The following ITGA1 variants were observed in gnomAD, a reference collection of about 807,000 sequenced individuals.
ITGA1 encodes the protein integrin subunit alpha 1, also known as integrin alpha-1.
Under a neutral mutation model 145.9 loss-of-function variants are expected in ITGA1, and 85 were observed. The ratio of observed to expected loss-of-function variants is 0.58; its 90% CI spans 0.49 to 0.70. The LOEUF (loss-of-function observed/expected upper bound fraction) is 0.70. ITGA1 is among the 30% of genes least tolerant of loss of function. The pLI is 0.00. For synonymous variants in ITGA1, 520 were observed against 495.3 expected, an observed-to-expected ratio of 1.05 and a Z score of -0.66; for missense variants, 1,351 against 1,418.7, an observed-to-expected ratio of 0.95 and a Z score of 0.77.
At chr5:52,896,533 A>G (rs369845933) in intron 9 of ITGA1, among the ~76,000 whole-genome samples, 16 of 152,310 alleles carry the variant, frequency 1.1e-4, no homozygotes, top group African/African-American at 3.8e-4. Flanking sequence ...ATCCATGTAA[A>G]TAACTAACAA....
chr5:52,875,008 C>T (rs1749843573), intron 6 of ITGA1, among the ~76,000 whole-genome samples: 1 of 151,994 alleles, frequency 6.6e-6, no homozygotes. Context: ...ATCCACAATG[C>T]ATGTTTTTAA....
chr5:52,875,185 T>C (rs527986580), intron 6 of ITGA1, among the ~76,000 whole-genome samples: 1 of 152,216 alleles, frequency 6.6e-6, no homozygotes, highest in East Asian at 1.9e-4. Flanking sequence ...TAAAGATATA[T>C]ATTTAACTTT....
intron 1 of ITGA1, chr5:52,801,306 A>G: frequency 8.7e-7 from 1 of 1,153,802 alleles, no homozygotes; most frequent in South Asian, 1.5e-5. Flanking sequence ...CTTCGCTGAA[A>G]CATATGAAGC....
chr5:52,849,597 T>A, intron 2 of ITGA1, 112 bp downstream of exon 2: 1 of 999,280 alleles, frequency 1.0e-6, no homozygotes, highest in Non-Finnish European at 1.4e-6. Context: ...GAATTATTTA[T>A]GGTAGAAAAT....
At chr5:52,822,098 G>A (rs1748888465) in intron 1 of ITGA1, among the ~76,000 whole-genome samples, 1 of 152,190 alleles carries the variant, frequency 6.6e-6, no homozygotes, top group Admixed American at 6.5e-5. Flanking sequence ...TTTGCCATGT[G>A]GAGGCCGTTT....
chr5:52,939,620 G>A lies in ITGA1; in HGVS notation c.3109G>A (p.Asp1037Asn), dbSNP rs1409022756. ...NANCRPHIFE[D>N]PFSINSGKKM... Reference sequence around the variant, plus strand: ...AAACTGCAGACCCCATATCTTTGAGGATCCTTTCAGTATCAACTCTGGAAA... The same window carrying A: ...AAACTGCAGACCCCATATCTTTGAGAATCCTTTCAGTATCAACTCTGGAAA... Residue 1037 changes from aspartate (D) to asparagine (N), a missense_variant, in exon 25 of 29, where the codon GAT (aspartate) becomes AAT (asparagine). Transcript: ENST00000282588. 1.2e-6 allele frequency: 2 copies of A among 1,612,986 alleles called. No homozygotes were observed. Among genetic ancestry groups the A allele is most frequent in the Non-Finnish European group, 1.7e-6 (2 of 1,179,102 alleles).
intron 14 of ITGA1, among the ~76,000 whole-genome samples, chr5:52,911,093 A>G (rs2111852271): frequency 7.4e-6 from 1 of 135,478 alleles, no homozygotes; most frequent in East Asian, 2.1e-4. Context: ...TATATAGTGT[A>G]TATATAGTGT....
intron 1 of ITGA1, among the ~76,000 whole-genome samples, chr5:52,822,018 A>T (rs972271917): frequency 2.0e-5 from 3 of 152,214 alleles, no homozygotes; most frequent in Non-Finnish European, 4.4e-5. Context: ...TTTTCTTGCA[A>T]CTTAAATTGC....
intron 8 of ITGA1, among the ~76,000 whole-genome samples, chr5:52,892,925 T>C (rs1750172691): frequency 6.6e-6 from 1 of 152,042 alleles, no homozygotes; most frequent in Admixed American, 6.6e-5. Context: ...AACACAACTA[T>C]ATTGGTTTGT....
chr5:52,915,614 C>G lies in ITGA1; in HGVS notation c.1988+20C>G. On this transcript the variant is annotated intron_variant, in intron 15 of 28. Transcript: ENST00000282588. ...CTTCTGGTATGTATTTTAATAACAT[C>G]CTGTTAATCTGAGACTGGGTCACTT... is the stretch of plus-strand genomic sequence containing the variant. The G allele has an allele frequency of 6.2e-7, 1 of 1,612,434 alleles. No homozygotes were observed. Among genetic ancestry groups the G allele is most frequent in the Non-Finnish European group, 8.5e-7 (1 of 1,179,352 alleles).
intron 1 of ITGA1, chr5:52,803,790 G>A (rs540555767): frequency 2.6e-5 from 4 of 152,262 alleles, no homozygotes; most frequent in Admixed American, 1.3e-4. Flanking sequence ...TAGACCTACT[G>A]AGACAGGCGC....
chr5:52,881,685 TTTG>T (rs1749962203), intron 6 of ITGA1, among the ~76,000 whole-genome samples, 185 bp from the exon 7 acceptor site: 1 of 152,232 alleles, frequency 6.6e-6, no homozygotes, highest in Non-Finnish European at 1.5e-5. Flanking sequence ...CATGTTTGCT[TTTG>T]TTCTTTGGAC....
intron 6 of ITGA1, among the ~76,000 whole-genome samples, chr5:52,879,859 A>G (rs1221490579): frequency 2.6e-5 from 4 of 152,236 alleles, no homozygotes; most frequent in Non-Finnish European, 5.9e-5. Context: ...CATTCAGCTG[A>G]TGATGTAACC....
chr5:52,929,848 T>C, intron 21 of ITGA1, 147 bp downstream of exon 21: 1 of 481,080 alleles, frequency 2.1e-6, no homozygotes, highest in Admixed American at 4.0e-5. Flanking sequence ...CCACTTTGCT[T>C]CACAAAAACA....
At chr5:52,831,869 G>C (rs1489647816) in intron 1 of ITGA1, among the ~76,000 whole-genome samples, 1 of 152,130 alleles carries the variant, frequency 6.6e-6, no homozygotes, top group African/African-American at 2.4e-5. Flanking sequence ...AGTAGGCCCA[G>C]TCTTTCTCTT....
chr5:52,845,251 G>A (rs1749314464), intron 1 of ITGA1, among the ~76,000 whole-genome samples: 1 of 152,100 alleles, frequency 6.6e-6, no homozygotes, highest in African/African-American at 2.4e-5. Context: ...CCTTCAGGGG[G>A]GTGAAATTGA....
intron 2 of ITGA1, among the ~76,000 whole-genome samples, chr5:52,851,245 T>C (rs1011800665): frequency 3.3e-5 from 5 of 152,186 alleles, no homozygotes; most frequent in African/African-American, 1.2e-4. Flanking sequence ...GTCTCTGTGA[T>C]TTTAGAAAAA....
At chr5:52,944,095 G>T (rs1751091512) in intron 26 of ITGA1, among the ~76,000 whole-genome samples, 1 of 152,136 alleles carries the variant, frequency 6.6e-6, no homozygotes, top group Admixed American at 6.5e-5. Context: ...CTGGCTTGTG[G>T]TCACCTGGGG....
At chr5:52,801,742 G>A in intron 1 of ITGA1, 3 of 1,614,042 alleles carry the variant, frequency 1.9e-6, no homozygotes, top group South Asian at 1.1e-5. Context: ...CGTTTCTGGG[G>A]AACAGCTCAG....
Sources: allele counts gnomAD v4.1 joint callset (sites outside exome capture counted in the v4.1 genomes callset), GRCh38; gene constraint gnomAD v4.1.1; transcripts MANE v1.5; gene names NCBI Gene and HGNC (gene_info 2026-07-23, HGNC 2026-07-21).